Variants in DCTN4 observed in about 807,000 individuals in gnomAD.
DCTN4 encodes the protein dynactin 4 (p62).
In DCTN4, 23 loss-of-function variants were observed where a neutral mutation model predicts 62.7. The ratio of observed to expected loss-of-function variants is 0.37; its 90% CI spans 0.26 to 0.52. DCTN4 has a LOEUF of 0.52. Among genes scored for constraint, DCTN4 ranks in the 20% least tolerant of loss-of-function variants. The pLI, the probability that DCTN4 is intolerant of heterozygous loss-of-function variation, is 0.92. For synonymous variants in DCTN4, 199 were observed against 202.1 expected (o/e 0.98, Z 0.13); for missense variants, 514 against 580.4 (o/e 0.89, Z 1.18).
chr5:150,737,109 T>G (rs1760610278), intron 4 of DCTN4, among the ~76,000 whole-genome samples: 7 of 151,964 alleles, frequency 4.6e-5, no homozygotes, highest in Admixed American at 4.6e-4. Context: ...GCTCCAAAAT[T>G]TATAAAACAA....
At chr5:150,757,006 CA>C (rs531758949) in intron 1 of DCTN4, among the ~76,000 whole-genome samples, 10 of 152,124 alleles carry the variant, frequency 6.6e-5, no homozygotes, top group Non-Finnish European at 2.9e-5. Context: ...GATTTTTAAA[CA>C]AATTAATGGG....
intron 4 of DCTN4, among the ~76,000 whole-genome samples, chr5:150,735,905 T>TG (rs965035486): frequency 6.0e-5 from 8 of 132,578 alleles, no homozygotes; most frequent in Non-Finnish European, 1.1e-4. Context: ...AAAACCAACT[T>TG]AAGGGAATTA....
At position 150,714,809 on chromosome 5, in the gene DCTN4, T is replaced by A. The variant is rs74723873; in HGVS notation, c.1169+756A>T. On this transcript the variant is annotated intron_variant, in intron 12 of 12. Coordinates refer to ENST00000447998, the MANE Select transcript of DCTN4 (RefSeq NM_016221.4). ...CAAGCAGTGTTCCCCTTCAGCTCAC[T>A]GGAGGCCTGAGTTTCAGCTACATGG... 8.8e-3 allele frequency among the ~76,000 whole-genome samples: 1,343 copies of A among 152,304 alleles called. 20 individuals are homozygous for A. Among genetic ancestry groups the A allele is most frequent in the African/African-American group, 0.031 (1,272 of 41,550 alleles).
Position 150,719,723 on chromosome 5 carries a change from T to G in DCTN4, c.956A>C (p.Tyr319Ser). ...VRIMSIPNLRYMKESQVLLTL... is the reference protein window; with the variant it reads ...VRIMSIPNLRSMKESQVLLTL... Reference sequence around the variant, plus strand: ...AATGAGCAAGGTACTAACCTTCATGTAGCGAAGGTTGGGAATTGACATGAT... The same window carrying G: ...AATGAGCAAGGTACTAACCTTCATGGAGCGAAGGTTGGGAATTGACATGAT... Residue 319 changes from tyrosine (Y) to serine (S), a missense_variant, in exon 10 of 13, where the codon TAC becomes TCC. Tyr to Ser is a moderately radical substitution (Grantham distance 144, BLOSUM62 -2). Transcript: ENST00000447998. The G allele has an allele frequency of 6.2e-7, 1 of 1,607,364 alleles. No individual in the cohort carries two copies. Among genetic ancestry groups the G allele is most frequent in the Admixed American group, 1.7e-5 (1 of 59,882 alleles).
At chr5:150,732,083 A>G (rs1322445434) in intron 5 of DCTN4, among the ~76,000 whole-genome samples, 1 of 152,218 alleles carries the variant, frequency 6.6e-6, no homozygotes, top group Non-Finnish European at 1.5e-5. Context: ...ATACCACTGG[A>G]CTATTCAGAA....
At chr5:150,723,012 A>G (rs565341538) in intron 8 of DCTN4, 32 bp from the exon 9 acceptor site, 2 of 1,478,660 alleles carry the variant, frequency 1.4e-6, no homozygotes, top group South Asian at 2.3e-5. Context: ...CACGTATCAG[A>G]AGACAACAAC....
intron 10 of DCTN4, 35 bp downstream of exon 10, chr5:150,719,681 T>A: frequency 6.7e-7 from 1 of 1,496,644 alleles, no homozygotes; most frequent in Non-Finnish European, 9.3e-7. Flanking sequence ...CATTGATCAA[T>A]CCTTTTTCTT....
Position 150,744,786 on chromosome 5 carries a change from A to G in DCTN4, c.386-2629T>C, listed in dbSNP as rs1348632556. On this transcript the variant is annotated intron_variant, in intron 3 of 12. Transcript: ENST00000447998. ...GGCCTGCCCTAAAAGAGCTCCTGAA[A>G]GAAGCACTAAACATGGAAAGGCACA... Among the ~76,000 whole-genome samples the G allele has an allele frequency of 2.6e-5, 4 of 152,300 alleles. No homozygotes were observed. In the East Asian group the frequency reaches 7.7e-4, roughly 29 times the overall value.
intron 12 of DCTN4, among the ~76,000 whole-genome samples, chr5:150,713,529 C>CG (rs1370719040): frequency 6.6e-6 from 1 of 151,466 alleles, no homozygotes; most frequent in African/African-American, 2.4e-5. Flanking sequence ...CTGCAACCCC[C>CG]GCCCCTAGGG....
At chr5:150,744,458 C>T (rs1760885765) in intron 3 of DCTN4, among the ~76,000 whole-genome samples, 2 of 151,976 alleles carry the variant, frequency 1.3e-5, no homozygotes, top group African/African-American at 2.4e-5. Context: ...AGATACTCCT[C>T]AAGAAGAGCA....
rs745443966 is a variant in DCTN4 at position 150,715,674 on chromosome 5, C to T, written c.1072-12G>A. On this transcript the variant is annotated splice_polypyrimidine_tract_variant and intron_variant, in intron 11 of 12. Coordinates refer to ENST00000447998, the MANE Select transcript of DCTN4 (RefSeq NM_016221.4). ...GGAGGCACCACCACCTGGAGAGCAA[C>T]ACAGAGAGGCCTGCCTGAGAAGGGA... The T allele has an allele frequency of 8.1e-6, 13 of 1,611,150 alleles. No individual in the cohort carries two copies. In the East Asian group the frequency reaches 2.5e-4, roughly 30 times the overall value.
rs181422973 is a variant in DCTN4, at chr5:150,710,117, C to T, written c.*1032G>A. The T allele has an allele frequency of 6.6e-6, 1 of 152,390 alleles. No individual in the cohort carries two copies. Among genetic ancestry groups the T allele is most frequent in the East Asian group, 1.9e-4 (1 of 5,328 alleles). The allele number at this position is 152,390 out of a possible 1,614,324, so 9.4% of individuals were successfully genotyped here. A position where few individuals can be genotyped will look rare whatever the true frequency, so the allele number is the denominator to read the frequency against. On this transcript the variant is annotated 3_prime_UTR_variant, in exon 13 of 13. Transcript: ENST00000447998. Reference sequence around the variant, plus strand: ...TAGTAAGGGGGAAAGTTCTTAATATCCAGTTTTGGATTCAAGAGATTATAA... The same window carrying T: ...TAGTAAGGGGGAAAGTTCTTAATATTCAGTTTTGGATTCAAGAGATTATAA...
At chr5:150,731,235 G>A in intron 6 of DCTN4, 79 bp from the exon 7 acceptor site, 2 of 1,055,880 alleles carry the variant, frequency 1.9e-6, no homozygotes, top group East Asian at 2.4e-5. Flanking sequence ...CTCAGTCTAT[G>A]ATATCAATAA....
At chr5:150,738,000 A>G (rs1330664689) in intron 4 of DCTN4, among the ~76,000 whole-genome samples, 1 of 152,162 alleles carries the variant, frequency 6.6e-6, no homozygotes, top group Non-Finnish European at 1.5e-5. Flanking sequence ...TTATGCACAC[A>G]AACTGGAAAA....
At chr5:150,758,568 C>T (rs1355539069) in intron 1 of DCTN4, 1 of 1,145,344 alleles carries the variant, frequency 8.7e-7, no homozygotes, top group African/African-American at 1.6e-5. Context: ...GACCTTTCTC[C>T]GTAGTCCACC....
chr5:150,744,886 C>T (rs1224866520), intron 3 of DCTN4, among the ~76,000 whole-genome samples: 3 of 151,334 alleles, frequency 2.0e-5, no homozygotes, highest in East Asian at 2.0e-4. Flanking sequence ...CATCAACTAA[C>T]GAGCAAAATA....
At chr5:150,717,495 A>G (rs1235761365) in intron 11 of DCTN4, among the ~76,000 whole-genome samples, 1 of 152,080 alleles carries the variant, frequency 6.6e-6, no homozygotes, top group Non-Finnish European at 1.5e-5. Context: ...TGATCCACTC[A>G]CCTTGGCCTC....
At chr5:150,725,791 A>G (rs1362362120) in intron 8 of DCTN4, among the ~76,000 whole-genome samples, 1 of 152,244 alleles carries the variant, frequency 6.6e-6, no homozygotes, top group African/African-American at 2.4e-5. Context: ...CTCCAATGGC[A>G]GCAGCAGCAT....
At chr5:150,722,388 CTAAT>C (rs1363194375) in intron 9 of DCTN4, among the ~76,000 whole-genome samples, 4 of 152,108 alleles carry the variant, frequency 2.6e-5, no homozygotes, top group Non-Finnish European at 5.9e-5. Context: ...GTATTTGTCT[CTAAT>C]TAGGACCATT....
Sources: allele counts gnomAD v4.1 joint callset (sites outside exome capture counted in the v4.1 genomes callset), GRCh38; gene constraint gnomAD v4.1.1; transcripts MANE v1.5; gene names NCBI Gene and HGNC (gene_info 2026-07-23, HGNC 2026-07-21).